The following GRM1 variants were observed in gnomAD, a reference collection of about 807,000 sequenced individuals.
GRM1 encodes the protein metabotropic glutamate receptor 1.
A neutral mutation model predicts 90.9 loss-of-function variants in GRM1; 33 were observed. The ratio of observed to expected loss-of-function variants is 0.36; its 90% CI spans 0.28 to 0.49. The LOEUF is 0.49. Among genes scored for constraint, GRM1 ranks in the 20% least tolerant of loss-of-function variants. The probability of loss-of-function intolerance (pLI) is 0.99; values close to 1 mark genes in which losing one functional copy is unlikely to be tolerated. For synonymous variants in GRM1, 700 were observed against 613.2 expected (o/e 1.14, Z -2.09); for missense variants, 1,190 against 1,534.3 (o/e 0.78, Z 3.75).
At chr6:146,158,676 ATATT>A (rs1300959765) in intron 1 of GRM1, among the ~76,000 whole-genome samples, 1 of 152,210 alleles carries the variant, frequency 6.6e-6, no homozygotes, top group African/African-American at 2.4e-5. Context: ...GTAAAGTGTA[ATATT>A]TATCTCATTG....
At chr6:146,377,111 A>G (rs934890489) in intron 5 of GRM1, among the ~76,000 whole-genome samples, 2 of 152,096 alleles carry the variant, frequency 1.3e-5, no homozygotes, top group African/African-American at 4.8e-5. Context: ...TTTTTCCTTT[A>G]TAAATTACCC....
At chr6:146,047,180 C>A (rs1791363106) in intron 1 of GRM1, among the ~76,000 whole-genome samples, 1 of 151,920 alleles carries the variant, frequency 6.6e-6, no homozygotes, top group African/African-American at 2.4e-5. Context: ...AATTTGTCTT[C>A]CATCTGCTAT....
intron 1 of GRM1, among the ~76,000 whole-genome samples, chr6:146,104,193 C>A (rs940775516): frequency 6.6e-6 from 1 of 152,160 alleles, no homozygotes; most frequent in African/African-American, 2.4e-5. Flanking sequence ...GTAATCCCAG[C>A]ACTTTGGGAG....
chr6:146,423,209 T>G (rs1159107512), intron 7 of GRM1, among the ~76,000 whole-genome samples: 1 of 152,248 alleles, frequency 6.6e-6, no homozygotes, highest in East Asian at 1.9e-4. Context: ...TACTCTGGCT[T>G]GCTGAATCTG....
At chr6:146,033,698 AT>A (rs1417851231) in intron 1 of GRM1, among the ~76,000 whole-genome samples, 1 of 151,776 alleles carries the variant, frequency 6.6e-6, no homozygotes. Context: ...TTGGTGTGAC[AT>A]TTTTTTGACA....
intron 2 of GRM1, among the ~76,000 whole-genome samples, chr6:146,241,678 A>T (rs1387199186): frequency 6.6e-6 from 1 of 152,032 alleles, no homozygotes; most frequent in African/African-American, 2.4e-5. Context: ...ACCAGCTTTC[A>T]GCCTTGTTCT....
chr6:146,148,240 A>C (rs1777184837), intron 1 of GRM1, among the ~76,000 whole-genome samples: 1 of 152,170 alleles, frequency 6.6e-6, no homozygotes, highest in East Asian at 1.9e-4. Context: ...TTATATTAAC[A>C]AATTAATAAA....
chr6:146,377,987 TA>T (rs1776173624), intron 5 of GRM1, among the ~76,000 whole-genome samples: 1 of 152,176 alleles, frequency 6.6e-6, no homozygotes, highest in Admixed American at 6.5e-5. Flanking sequence ...TGGGCCAATA[TA>T]GTGCTCAAGC....
chr6:146,051,883 C>T (rs949255739), intron 1 of GRM1, among the ~76,000 whole-genome samples: 1 of 151,898 alleles, frequency 6.6e-6, no homozygotes, highest in Admixed American at 6.6e-5. Context: ...TACAAGGTTG[C>T]GATTTGAAAA....
At chr6:146,419,473 C>T (rs1038971694) in intron 7 of GRM1, among the ~76,000 whole-genome samples, 12 of 152,114 alleles carry the variant, frequency 7.9e-5, no homozygotes, top group South Asian at 2.1e-4. Context: ...AGTGTTTCCA[C>T]GGGACAAGCA....
intron 3 of GRM1, among the ~76,000 whole-genome samples, chr6:146,316,638 G>A (rs890299600): frequency 1.3e-5 from 2 of 152,296 alleles, no homozygotes; most frequent in Non-Finnish European, 2.9e-5. Flanking sequence ...AAAACATCCA[G>A]GCAGTTGACG....
intron 5 of GRM1, among the ~76,000 whole-genome samples, chr6:146,366,620 T>C (rs1227993183): frequency 1.3e-5 from 2 of 152,202 alleles, no homozygotes; most frequent in African/African-American, 4.8e-5. Context: ...CTTTGCTTAT[T>C]TAACATGATT....
chr6:146,426,638 G>C, intron 7 of GRM1: 1 of 1,371,208 alleles, frequency 7.3e-7, no homozygotes, highest in South Asian at 1.2e-5. Context: ...ACACTGCAGT[G>C]AATGTGTAAG....
chr6:146,297,603 C>T (rs911537252), intron 2 of GRM1, among the ~76,000 whole-genome samples: 1 of 152,106 alleles, frequency 6.6e-6, no homozygotes, highest in African/African-American at 2.4e-5. Flanking sequence ...CTTCAAATGG[C>T]AGGATCTAGA....
At chr6:146,270,583 C>A (rs1782079821) in intron 2 of GRM1, among the ~76,000 whole-genome samples, 1 of 152,158 alleles carries the variant, frequency 6.6e-6, no homozygotes. Flanking sequence ...CTCCCCATGA[C>A]CCCCAACCCA....
At chr6:146,105,929 C>A (rs568147410) in intron 1 of GRM1, among the ~76,000 whole-genome samples, 1 of 152,250 alleles carries the variant, frequency 6.6e-6, no homozygotes, top group African/African-American at 2.4e-5. Flanking sequence ...GGGTCTCTCA[C>A]CTCTCAGTCT....
At chr6:146,330,809 C>T (rs938935963) in intron 3 of GRM1, among the ~76,000 whole-genome samples, 1 of 152,116 alleles carries the variant, frequency 6.6e-6, no homozygotes, top group Non-Finnish European at 1.5e-5. Flanking sequence ...TCATTATATA[C>T]TATTACATCA....
Position 146,029,600 on chromosome 6 carries a change from T to G in GRM1, c.83T>G (p.Leu28Trp). The G allele has an allele frequency of 6.2e-7, 1 of 1,614,078 alleles. No homozygotes were observed. The highest frequency in any genetic ancestry group is 8.5e-7 in the Non-Finnish European group (1 of 1,179,998). The change falls in exon 1 of 8, where the codon TTG becomes TGG. Residue 28 changes from leucine to tryptophan, a missense_variant. Physicochemically the swap from Leu to Trp is moderately conservative, Grantham distance 61 (BLOSUM62 -2). This residue lies in a region of GRM1 where 44 missense variants were observed against 35.8 expected (regional missense o/e 1.23). Coordinates refer to ENST00000282753, the MANE Select transcript of GRM1 (RefSeq NM_001278064.2). ...LLPRSPGRKV[L>W]LAGASSQRSV... ...CCCAGAAGCCCCGGCAGGAAAGTGT[T>G]GCTGGCAGGAGCGTCGTCTCAGCGC...
rs1383948929 is a variant in GRM1, at chr6:146,159,532, A to C, written c.885A>C (p.Thr295=). The part of the protein sequence containing the change: ...RVVVCFCEGM[T]VRGLLSAMRR... ...TGGTCTGCTTCTGTGAAGGCATGACAGTGCGAGGACTCCTGAGCGCCATGC... is the reference window on the plus strand; with the variant it reads ...TGGTCTGCTTCTGTGAAGGCATGACCGTGCGAGGACTCCTGAGCGCCATGC... The change falls in exon 2 of 8, where the codon ACA becomes ACC. Residue 295 remains threonine (T), a synonymous_variant. Coordinates refer to ENST00000282753, the MANE Select transcript of GRM1 (RefSeq NM_001278064.2). The C allele has an allele frequency of 3.7e-6, 6 of 1,614,140 alleles. No individual in the cohort carries two copies. The African/African-American group carries it at 6.7e-5, about 18-fold the overall frequency.
Sources: gnomAD v4.1 joint callset for allele counts (sites outside exome capture counted in the v4.1 genomes callset) on GRCh38, gnomAD v4.1.1 for gene constraint, gnomAD v4.1.1 regional missense constraint, MANE v1.5 for transcripts, NCBI Gene and HGNC (gene_info 2026-07-23, HGNC 2026-07-21) for gene names.